Variants in STK39 observed in about 807,000 individuals in gnomAD.
The protein encoded by STK39 is serine/threonine kinase 39.
Under a neutral mutation model 77.8 loss-of-function variants are expected in STK39, and 20 were observed. The ratio of observed to expected loss-of-function variants is 0.26; its 90% confidence interval spans 0.18 to 0.37. STK39 has a LOEUF of 0.37. Among genes scored for constraint, STK39 ranks in the 10% least tolerant of loss-of-function variants. The probability of loss-of-function intolerance (pLI) is 1.00; values close to 1 mark genes in which losing one functional copy is unlikely to be tolerated. For missense variants in STK39, 479 were observed against 656.5 expected, an observed-to-expected ratio of 0.73 and a Z score of 2.95; for synonymous variants, 246 against 234.1, an observed-to-expected ratio of 1.05 and a Z score of -0.47.
Position 168,202,923 on chromosome 2 carries a change from C to T in STK39, c.209-20833G>A, listed in dbSNP as rs115179846. The stretch of plus-strand genomic sequence containing the variant: ...GCATGCAGGACTCAAGTCAGATATA[C>T]TGATGAGTGCAATGCTGCCATGGAG... On this transcript the variant is annotated intron_variant, in intron 1 of 17. Transcript: ENST00000355999. Among the ~76,000 whole-genome samples the T allele has an allele frequency of 1.7e-3, 253 of 152,282 alleles. 1 individual carries two copies. Among genetic ancestry groups the T allele is most frequent in the African/African-American group, 5.7e-3 (237 of 41,554 alleles).
intron 10 of STK39, among the ~76,000 whole-genome samples, chr2:168,081,317 C>G (rs774883979): frequency 2.0e-5 from 3 of 152,158 alleles, no homozygotes; most frequent in Non-Finnish European, 4.4e-5. Context: ...TCAGCGTAAC[C>G]TGGATGTGAG....
At chr2:168,107,872 A>G (rs1229019896) in intron 10 of STK39, among the ~76,000 whole-genome samples, 1 of 152,246 alleles carries the variant, frequency 6.6e-6, no homozygotes, top group Non-Finnish European at 1.5e-5. Flanking sequence ...AAAGAGCTCA[A>G]GAATCACTCA....
intron 10 of STK39, among the ~76,000 whole-genome samples, chr2:168,102,063 T>C (rs1194546425): frequency 6.6e-6 from 1 of 152,194 alleles, no homozygotes; most frequent in Non-Finnish European, 1.5e-5. Context: ...CATTCATTAG[T>C]TGATGACAGT....
intron 10 of STK39, among the ~76,000 whole-genome samples, chr2:168,102,131 C>CTTT (rs35955276): frequency 2.7e-5 from 4 of 147,838 alleles, no homozygotes; most frequent in Admixed American, 2.0e-4. Context: ...TTCATGTACA[C>CTTT]TTTTTTTTTT....
intron 2 of STK39, among the ~76,000 whole-genome samples, chr2:168,179,928 C>T (rs1689043054): frequency 6.6e-6 from 1 of 152,222 alleles, no homozygotes; most frequent in Non-Finnish European, 1.5e-5. Context: ...ACCATAGCAT[C>T]AAACCAGAAG....
chr2:168,074,913 T>G, intron 12 of STK39, 69 bp downstream of exon 12: 1 of 1,562,776 alleles, frequency 6.4e-7, no homozygotes, highest in Middle Eastern at 1.9e-4. Flanking sequence ...CTCCCCTAAA[T>G]GGATCAGACT....
chr2:167,958,636 T>C (rs1691850856), intron 17 of STK39, among the ~76,000 whole-genome samples: 1 of 152,136 alleles, frequency 6.6e-6, no homozygotes, highest in African/African-American at 2.4e-5. Context: ...GAAAAAAAAA[T>C]CCAGCCTCAT....
chr2:167,980,189 A>G (rs1003722606), intron 16 of STK39, among the ~76,000 whole-genome samples: 7 of 152,232 alleles, frequency 4.6e-5, no homozygotes, highest in African/African-American at 1.7e-4. Context: ...CAATGCATAT[A>G]ATCACTTGAT....
At chr2:168,187,925 G>A (rs1023132820) in intron 1 of STK39, among the ~76,000 whole-genome samples, 4 of 151,994 alleles carry the variant, frequency 2.6e-5, no homozygotes, top group Non-Finnish European at 5.9e-5. Context: ...TATGGCCCCT[G>A]GAAGGAAGTT....
intron 7 of STK39, among the ~76,000 whole-genome samples, chr2:168,139,367 A>G (rs1206081624): frequency 1.3e-5 from 2 of 150,656 alleles, no homozygotes; most frequent in African/African-American, 4.9e-5. Flanking sequence ...GTACCCACAC[A>G]CACACAAATA....
chr2:168,115,064 G>T (rs775399199), intron 10 of STK39, among the ~76,000 whole-genome samples: 7 of 152,232 alleles, frequency 4.6e-5, no homozygotes, highest in South Asian at 2.1e-4. Flanking sequence ...TAGGCTCTAG[G>T]TCAATTAGCC....
At chr2:168,024,138 A>G (rs77605479) in intron 14 of STK39, among the ~76,000 whole-genome samples, 1,561 of 152,280 alleles carry the variant, frequency 0.01, 34 homozygotes, top group African/African-American at 0.035. Context: ...GCACCAAACC[A>G]AAGTCCATCC....
At chr2:167,984,054 A>G (rs983797555) in intron 16 of STK39, among the ~76,000 whole-genome samples, 1 of 152,294 alleles carries the variant, frequency 6.6e-6, no homozygotes, top group Non-Finnish European at 1.5e-5. Flanking sequence ...AGGAAACTCA[A>G]GCTGTTGCCT....
chr2:168,193,259 C>A (rs1012915023), intron 1 of STK39, among the ~76,000 whole-genome samples: 7 of 152,204 alleles, frequency 4.6e-5, no homozygotes, highest in African/African-American at 1.2e-4. Context: ...AACCGCAATA[C>A]AGGAAGTCAG....
chr2:168,007,486 C>T (rs180988053), intron 16 of STK39, among the ~76,000 whole-genome samples: 47 of 152,198 alleles, frequency 3.1e-4, no homozygotes, highest in Admixed American at 9.8e-4. Context: ...AAAACTGATG[C>T]TCAAGGGGAA....
intron 14 of STK39, among the ~76,000 whole-genome samples, chr2:168,042,846 G>A (rs1033514921): frequency 4.6e-5 from 7 of 152,094 alleles, no homozygotes; most frequent in Admixed American, 3.9e-4. Flanking sequence ...CCAAAGTGCT[G>A]GGATTATAGG....
intron 1 of STK39, among the ~76,000 whole-genome samples, chr2:168,197,200 G>T (rs1689493657): frequency 6.6e-6 from 1 of 152,166 alleles, no homozygotes; most frequent in Non-Finnish European, 1.5e-5. Flanking sequence ...AAAGTGGCTG[G>T]ATTTGAGAAT....
intron 2 of STK39, among the ~76,000 whole-genome samples, chr2:168,178,971 T>G (rs866882406): frequency 1.3e-5 from 2 of 152,006 alleles, no homozygotes; most frequent in African/African-American, 4.8e-5. Context: ...AGGTAGTCAG[T>G]GGGGGCTGAG....
chr2:168,177,207 C>T (rs1482504950), intron 2 of STK39, among the ~76,000 whole-genome samples: 3 of 152,078 alleles, frequency 2.0e-5, no homozygotes, highest in Non-Finnish European at 4.4e-5. Flanking sequence ...AATGAGCATT[C>T]CATAATTTCA....
Sources: allele counts gnomAD v4.1 joint callset (sites outside exome capture counted in the v4.1 genomes callset), GRCh38; gene constraint gnomAD v4.1.1; transcripts MANE v1.5; gene names NCBI Gene and HGNC (gene_info 2026-07-23, HGNC 2026-07-21).